The following GFPT2 variants were observed in gnomAD, a reference collection of about 807,000 sequenced individuals.
GFPT2 encodes glutamine--fructose-6-phosphate aminotransferase [isomerizing] 2.
Under a neutral mutation model 85.6 loss-of-function variants are expected in GFPT2, and 62 were observed. That is an observed-to-expected ratio of 0.72 (90% CI 0.59 to 0.90). The LOEUF (loss-of-function observed/expected upper bound fraction) is 0.90. Ranked by LOEUF, GFPT2 falls within the 40% of genes least tolerant of loss-of-function variation. The pLI is 0.00. For synonymous variants in GFPT2, 368 were observed against 344.5 expected (o/e 1.07, Z -0.75); for missense variants, 788 against 893.4 (o/e 0.88, Z 1.50).
At chr5:180,352,366 A>G in intron 1 of GFPT2, 2 of 433,382 alleles carry the variant, frequency 4.6e-6, no homozygotes, top group Admixed American at 2.8e-5. Flanking sequence ...AAAAGAGCAC[A>G]GTGACCTTTT....
chr5:180,317,048 A>G lies in GFPT2; in HGVS notation c.969T>C (p.Ser323=). 3 of 1,595,062 alleles carry G rather than the reference A, an allele frequency of 1.9e-6. No homozygotes were observed. The highest frequency in any genetic ancestry group is 2.6e-6 in the Non-Finnish European group (3 of 1,162,494). Reference sequence around the variant, plus strand: ...CGAAGATCTCCTTCTGCATAAACGCACTGAAGTTACCTGGTCAAATAAACG... The same window carrying G: ...CGAAGATCTCCTTCTGCATAAACGCGCTGAAGTTACCTGGTCAAATAAACG... ...ELQQIMKGNF[S]AFMQKEIFEQ... The change falls in exon 11 of 19, where the codon AGT becomes AGC. Residue 323 remains serine, a synonymous_variant. Coordinates refer to ENST00000253778, the MANE Select transcript of GFPT2 (RefSeq NM_005110.4).
At chr5:180,351,586 A>AC (rs1328540822) in intron 1 of GFPT2, among the ~76,000 whole-genome samples, 5 of 152,126 alleles carry the variant, frequency 3.3e-5, no homozygotes, top group Admixed American at 6.5e-5. Flanking sequence ...CTCACATACA[A>AC]CCACAAGTCA....
intron 1 of GFPT2, among the ~76,000 whole-genome samples, chr5:180,349,974 G>A (rs1764681076): frequency 6.6e-6 from 1 of 151,694 alleles, no homozygotes; most frequent in South Asian, 2.1e-4. Context: ...AATCCTTCCT[G>A]CCAAATCCCC....
intron 1 of GFPT2, among the ~76,000 whole-genome samples, chr5:180,349,961 G>A (rs906017251): frequency 1.3e-5 from 2 of 151,700 alleles, no homozygotes; most frequent in Non-Finnish European, 2.9e-5. Flanking sequence ...GATGGGAAGC[G>A]CAAATCCTTC....
rs777787774 is a variant in GFPT2, at chr5:180,316,745, G to A, written c.1152+19C>T. 45 of 1,552,422 alleles carry A rather than the reference G, an allele frequency of 2.9e-5. No homozygotes were observed. Among genetic ancestry groups the A allele is most frequent in the African/African-American group, 8.1e-5 (6 of 73,620 alleles). On this transcript the variant is annotated intron_variant, in intron 12 of 18. Coordinates refer to ENST00000253778, the MANE Select transcript of GFPT2 (RefSeq NM_005110.4). ...CCTAGACTGCCGTCGACTTCCCCAC[G>A]CACATGTGTCACACTTACAGCCACG...
chr5:180,302,156 G>A (rs963512392), intron 18 of GFPT2, among the ~76,000 whole-genome samples: 70 of 150,614 alleles, frequency 4.6e-4, no homozygotes, highest in Middle Eastern at 3.5e-3. Flanking sequence ...GCATGGTGGC[G>A]GGTGCTTGTA....
In GFPT2 at chr5:180,301,112, G is replaced by A. The variant is rs558168688; in HGVS notation, c.*452C>T. 6 of 169,798 alleles carry A rather than the reference G, an allele frequency of 3.5e-5. No individual in the cohort carries two copies. The highest frequency in any genetic ancestry group is 6.4e-5 in the Non-Finnish European group (5 of 78,706). The allele number at this position is 169,798 out of a possible 1,614,324, so 10.5% of individuals were successfully genotyped here. A position where few individuals can be genotyped will look rare whatever the true frequency, so the allele number is the denominator to read the frequency against. On this transcript the variant is annotated 3_prime_UTR_variant, in exon 19 of 19. Coordinates refer to ENST00000253778, the MANE Select transcript of GFPT2 (RefSeq NM_005110.4). ...CTGAGATGAATGCCACCTGCCAGGA[G>A]CAAGCCTGGACACAGAGCATGGGTA...
chr5:180,302,640 G>GT, intron 17 of GFPT2, 56 bp from the exon 18 acceptor site: 1 of 1,363,634 alleles, frequency 7.3e-7, no homozygotes, highest in Non-Finnish European at 1.0e-6. Flanking sequence ...AGCTATCCCT[G>GT]ATGCATACAG....
intron 16 of GFPT2, among the ~76,000 whole-genome samples, chr5:180,305,726 C>T (rs917972615): frequency 6.6e-6 from 1 of 152,220 alleles, no homozygotes; most frequent in African/African-American, 2.4e-5. Flanking sequence ...CGTTCAGCCA[C>T]CGCAGCTCAG....
chr5:180,306,993 C>G (rs950912122), intron 16 of GFPT2, among the ~76,000 whole-genome samples, 183 bp downstream of exon 16: 2 of 152,364 alleles, frequency 1.3e-5, no homozygotes, highest in Admixed American at 6.5e-5. Flanking sequence ...TCACCCATCT[C>G]TGTGTGCCCA....
intron 13 of GFPT2, 32 bp downstream of exon 13, chr5:180,316,309 G>C (rs1764008569): frequency 6.2e-7 from 1 of 1,612,614 alleles, no homozygotes; most frequent in South Asian, 1.1e-5. Context: ...CTGACCTGAT[G>C]CAAGGCTGGC....
rs1490873305 is a variant in GFPT2 at position 180,313,947 on chromosome 5, G to A, written c.1291C>T (p.Leu431Phe). The A allele has an allele frequency of 3.1e-6, 5 of 1,600,024 alleles. No homozygotes were observed. The highest frequency in any genetic ancestry group is 1.7e-5 in the Admixed American group (1 of 59,768). ...TCCTTACAGTAGCGCAGCGCCAGGAGGGTGTCCGCGGTCTCGCCTGCCGCC... is the reference window on the plus strand; with the variant it reads ...TCCTTACAGTAGCGCAGCGCCAGGAAGGTGTCCGCGGTCTCGCCTGCCGCC... Reference protein sequence around the residue: ...ISQSGETADTLLALRYCKDRG... With the variant: ...ISQSGETADTFLALRYCKDRG... Residue 431 changes from leucine (L) to phenylalanine (F), a missense_variant, in exon 14 of 19, where the codon CTC becomes TTC. Coordinates refer to ENST00000253778, the MANE Select transcript of GFPT2 (RefSeq NM_005110.4).
rs377430598 is a variant in GFPT2 at position 180,310,067 on chromosome 5, C to T, written c.1546+2363G>A. ...CCTCATGATCTGCCTGCCTCGACCT[C>T]CCAAAGTGCTAGGATGACAGGCATG... On this transcript the variant is annotated intron_variant, in intron 15 of 18. Coordinates refer to ENST00000253778, the MANE Select transcript of GFPT2 (RefSeq NM_005110.4). Among the ~76,000 whole-genome samples, 9 of 151,682 alleles carry T rather than the reference C, an allele frequency of 5.9e-5. No individual in the cohort carries two copies. In the East Asian group the frequency reaches 9.8e-4, roughly 16 times the overall value.
Position 180,326,953 on chromosome 5 carries a change from G to A in GFPT2, c.596+1324C>T, listed in dbSNP as rs563663404. ...CATGATAAAATTGGATTTTAAAAAG[G>A]GCTTCTAAATTTGATAGGAACCAAC... is the stretch of plus-strand genomic sequence containing the variant. On this transcript the variant is annotated intron_variant, in intron 7 of 18. Coordinates refer to ENST00000253778, the MANE Select transcript of GFPT2 (RefSeq NM_005110.4). Among the ~76,000 whole-genome samples the A allele has an allele frequency of 9.9e-5, 15 of 152,062 alleles. No homozygotes were observed. The South Asian group carries it at 2.7e-3, about 27-fold the overall frequency.
chr5:180,346,303 C>G (rs985584035), intron 1 of GFPT2, among the ~76,000 whole-genome samples: 10 of 152,138 alleles, frequency 6.6e-5, no homozygotes, highest in African/African-American at 2.4e-4. Context: ...AGCATAGAAA[C>G]CTATCCCAAG....
intron 15 of GFPT2, among the ~76,000 whole-genome samples, chr5:180,309,341 A>C (rs141857803): frequency 6.6e-6 from 1 of 152,332 alleles, no homozygotes; most frequent in East Asian, 1.9e-4. Flanking sequence ...AATGTCTAAC[A>C]AACACCAAAA....
chr5:180,343,861 T>G (rs1431957874), intron 1 of GFPT2, among the ~76,000 whole-genome samples: 3 of 152,242 alleles, frequency 2.0e-5, no homozygotes, highest in African/African-American at 7.2e-5. Flanking sequence ...TAAACTCACA[T>G]ACCCTCTTTG....
intron 2 of GFPT2, 130 bp from the exon 3 acceptor site, chr5:180,336,707 T>C: frequency 5.6e-6 from 4 of 713,994 alleles, no homozygotes; most frequent in Non-Finnish European, 7.6e-6. Context: ...AGCTGTACAG[T>C]TTTCAGGAAA....
chr5:180,319,152 T>C (rs1171465767), intron 9 of GFPT2, among the ~76,000 whole-genome samples, 196 bp from the exon 10 acceptor site: 1 of 152,254 alleles, frequency 6.6e-6, no homozygotes, highest in African/African-American at 2.4e-5. Context: ...CACGGAATTA[T>C]TTTGAAGCCA....
Sources: allele counts gnomAD v4.1 joint callset (sites outside exome capture counted in the v4.1 genomes callset), GRCh38; gene constraint gnomAD v4.1.1; transcripts MANE v1.5; gene names NCBI Gene and HGNC (gene_info 2026-07-23, HGNC 2026-07-21).